PITPNC1: variants seen among roughly 807,000 people sequenced by gnomAD.
The protein encoded by PITPNC1 is cytoplasmic phosphatidylinositol transfer protein 1.
PITPNC1 carries 18 observed loss-of-function variants against 44.7 expected under a neutral mutation model. The ratio of observed to expected loss-of-function variants is 0.40; its 90% CI spans 0.28 to 0.60. The LOEUF is 0.60. Among genes scored for constraint, PITPNC1 ranks in the 20% least tolerant of loss-of-function variants. The pLI is 0.39. For synonymous variants in PITPNC1, 141 were observed against 149.6 expected, an observed-to-expected ratio of 0.94 and a Z score of 0.42; for missense variants, 290 against 418.4, an observed-to-expected ratio of 0.69 and a Z score of 2.68.
intron 1 of PITPNC1, among the ~76,000 whole-genome samples, chr17:67,512,504 A>AAAAACAAACAAACAAAC (rs2040200389): frequency 1.4e-5 from 2 of 140,250 alleles, no homozygotes; most frequent in Admixed American, 7.1e-5. Context: ...GTGTCTCAAA[A>AAAAACAAACAAACAAAC]AAAAAAAAAA....
chr17:67,449,154 G>A lies in PITPNC1; in HGVS notation c.48+70952G>A, dbSNP rs548245648. 2.5e-4 allele frequency among the ~76,000 whole-genome samples: 38 copies of A among 152,316 alleles called. No homozygotes were observed. In the South Asian group the frequency reaches 5.0e-3, roughly 20 times the overall value. On this transcript the variant is annotated intron_variant, in intron 1 of 8. Coordinates refer to ENST00000581322, the MANE Select transcript of PITPNC1 (RefSeq NM_012417.4). ...TTCTTATTCTTTTTCCCTGTCACTT[G>A]AAGATCGTCACCCAAGCAATAAATC...
intron 2 of PITPNC1, among the ~76,000 whole-genome samples, chr17:67,538,974 TG>T (rs1454240456): frequency 6.6e-6 from 1 of 150,604 alleles, no homozygotes; most frequent in Non-Finnish European, 1.5e-5. Context: ...TTTTTTAATT[TG>T]AAAAAAAAGA....
intron 5 of PITPNC1, among the ~76,000 whole-genome samples, chr17:67,627,057 C>T (rs2041905060): frequency 6.7e-6 from 1 of 149,308 alleles, no homozygotes; most frequent in South Asian, 2.2e-4. Context: ...CTAGACCACC[C>T]TGGCCAATAT....
chr17:67,425,811 A>G (rs756728814), intron 1 of PITPNC1, among the ~76,000 whole-genome samples: 1 of 152,118 alleles, frequency 6.6e-6, no homozygotes, highest in Non-Finnish European at 1.5e-5. Context: ...TTACAGGTGC[A>G]AGCCACCATG....
intron 6 of PITPNC1, among the ~76,000 whole-genome samples, chr17:67,650,862 G>A (rs1255071594): frequency 6.6e-6 from 1 of 152,176 alleles, no homozygotes; most frequent in Non-Finnish European, 1.5e-5. Flanking sequence ...AACTATAACT[G>A]AGAAGGGTAC....
At chr17:67,595,888 G>A (rs1598865421) in intron 5 of PITPNC1, among the ~76,000 whole-genome samples, 1 of 152,018 alleles carries the variant, frequency 6.6e-6, no homozygotes, top group East Asian at 1.9e-4. Context: ...AATACCTTTG[G>A]ACTATGCAAA....
intron 1 of PITPNC1, among the ~76,000 whole-genome samples, chr17:67,449,514 T>C (rs1290299849): frequency 6.6e-6 from 1 of 152,240 alleles, no homozygotes; most frequent in African/African-American, 2.4e-5. Flanking sequence ...AAAATGTTAC[T>C]TAAAGTAATA....
At chr17:67,482,597 A>G (rs1487252496) in intron 1 of PITPNC1, among the ~76,000 whole-genome samples, 1 of 152,188 alleles carries the variant, frequency 6.6e-6, no homozygotes, top group East Asian at 1.9e-4. Context: ...GTCCCTTAAA[A>G]CATGATGGAA....
At chr17:67,655,281 G>A (rs1056777412) in intron 6 of PITPNC1, among the ~76,000 whole-genome samples, 1 of 151,968 alleles carries the variant, frequency 6.6e-6, no homozygotes, top group Admixed American at 6.6e-5. Flanking sequence ...TAATTGGGCC[G>A]GGCTCGCTGG....
intron 5 of PITPNC1, among the ~76,000 whole-genome samples, chr17:67,607,731 CT>C (rs1212042100): frequency 1.5e-3 from 217 of 140,524 alleles, no homozygotes; most frequent in Admixed American, 1.9e-3. Context: ...TTTTTTCTTT[CT>C]TTTTTTTTTT....
intron 1 of PITPNC1, among the ~76,000 whole-genome samples, chr17:67,482,009 G>A (rs2039711433): frequency 6.6e-6 from 1 of 152,198 alleles, no homozygotes; most frequent in African/African-American, 2.4e-5. Context: ...ACTTTTGGAA[G>A]AAATAAAACT....
At chr17:67,683,162 CAAAAAAAAAAAA>C (rs901577194) in intron 8 of PITPNC1, among the ~76,000 whole-genome samples, 37 of 41,512 alleles carry the variant, frequency 8.9e-4, no homozygotes, top group Non-Finnish European at 1.4e-3. Flanking sequence ...AACTGAGTCT[CAAAAAAAAAAAA>C]AAAAAAAAAA....
intron 2 of PITPNC1, among the ~76,000 whole-genome samples, chr17:67,537,923 G>T (rs1202037780): frequency 6.6e-6 from 1 of 151,140 alleles, no homozygotes; most frequent in Admixed American, 6.6e-5. Flanking sequence ...AGTGACCCAA[G>T]ATCGCGCCAG....
At chr17:67,477,469 T>C (rs987620121) in intron 1 of PITPNC1, among the ~76,000 whole-genome samples, 1 of 152,158 alleles carries the variant, frequency 6.6e-6, no homozygotes, top group Admixed American at 6.5e-5. Context: ...GGTCTCGAAC[T>C]CCTGACCTCA....
At chr17:67,649,425 GCTA>G (rs1267724937) in intron 6 of PITPNC1, among the ~76,000 whole-genome samples, 1 of 152,206 alleles carries the variant, frequency 6.6e-6, no homozygotes, top group Non-Finnish European at 1.5e-5. Flanking sequence ...GTAATAGTGG[GCTA>G]CTTTTAGTAG....
At chr17:67,631,620 C>A (rs1361752870) in intron 5 of PITPNC1, among the ~76,000 whole-genome samples, 1 of 24,614 alleles carries the variant, frequency 4.1e-5, no homozygotes, top group East Asian at 6.5e-4. Flanking sequence ...AAGAGTGAGA[C>A]TCCGTCTCAA....
intron 5 of PITPNC1, among the ~76,000 whole-genome samples, chr17:67,620,463 C>T (rs978909965): frequency 5.9e-5 from 9 of 152,124 alleles, no homozygotes; most frequent in South Asian, 4.1e-4. Context: ...GCCAGTCTCG[C>T]GGAGATCTGC....
chr17:67,677,773 T>C (rs2144420559), intron 8 of PITPNC1, among the ~76,000 whole-genome samples: 1 of 152,070 alleles, frequency 6.6e-6, no homozygotes, highest in South Asian at 2.1e-4. Flanking sequence ...GGTTTTACTA[T>C]GCTGGCCAGG....
chr17:67,622,205 C>T (rs1009747808), intron 5 of PITPNC1, among the ~76,000 whole-genome samples: 1 of 143,448 alleles, frequency 7.0e-6, no homozygotes, highest in Non-Finnish European at 1.5e-5. Context: ...TGCAGTGAGC[C>T]GAGATTGCGC....
Sources: gnomAD v4.1 joint callset for allele counts (sites outside exome capture counted in the v4.1 genomes callset) on GRCh38, gnomAD v4.1.1 for gene constraint, MANE v1.5 for transcripts, NCBI Gene and HGNC (gene_info 2026-07-23, HGNC 2026-07-21) for gene names.